KIF3B: variants seen among roughly 807,000 people sequenced by gnomAD.
The protein encoded by KIF3B is kinesin family member 3B, also known as kinesin-like protein KIF3B.
Under a neutral mutation model 74.3 loss-of-function variants are expected in KIF3B, and 38 were observed. The observed-to-expected ratio is 0.51, with a 90% CI of 0.39 to 0.67. The LOEUF is 0.67. Ranked by LOEUF, KIF3B falls within the 30% of genes least tolerant of loss-of-function variation. The pLI is 0.00. For synonymous variants in KIF3B, 326 were observed against 342.5 expected (o/e 0.95, Z 0.53); for missense variants, 649 against 932.0 (o/e 0.70, Z 3.95).
chr20:32,280,822 T>C (rs531378206), intron 1 of KIF3B, among the ~76,000 whole-genome samples: 9 of 152,040 alleles, frequency 5.9e-5, no homozygotes, highest in Non-Finnish European at 1.2e-4. Context: ...TAAATCCCCT[T>C]ATGCTAGGCA....
In KIF3B at chr20:32,316,797, C is replaced by A; in HGVS notation, c.1671C>A (p.Asp557Glu). ...AGGCAGTGAAGGCTGAGATCCATGA[C>A]CTCCAAGAAGAACACATCAAGGAGC... ...KLQAVKAEIH[D>E]LQEEHIKERQ... The change falls in exon 5 of 9, where the codon GAC (aspartate) becomes GAA (glutamate). Residue 557 changes from aspartate to glutamate, a missense_variant. By Grantham distance (45) the Asp-to-Glu change is conservative (BLOSUM62 2). Transcript: ENST00000375712. 6.2e-7 allele frequency: 1 copy of A among 1,614,114 alleles called. No individual in the cohort carries two copies. The highest frequency in any genetic ancestry group is 8.5e-7 in the Non-Finnish European group (1 of 1,180,004).
At position 32,309,761 on chromosome 20, in the gene KIF3B, CTG is replaced by C; in HGVS notation, c.-16_-15del. 6.3e-7 allele frequency: 1 copy of C among 1,598,408 alleles called. No individual in the cohort carries two copies. Among genetic ancestry groups the C allele is most frequent in the Non-Finnish European group, 8.5e-7 (1 of 1,171,850 alleles). ...TGAATTGACACTTCTCAAGATTTGA[CTG>C]GATCAGAGTTCATCATGTCAAAGTT... On this transcript the variant is annotated 5_prime_UTR_variant, in exon 2 of 9. Transcript: ENST00000375712.
chr20:32,296,278 C>T lies in KIF3B; in HGVS notation c.-65-13435C>T, dbSNP rs1241967866. On this transcript the variant is annotated intron_variant, in intron 1 of 8. Coordinates refer to ENST00000375712, the MANE Select transcript of KIF3B (RefSeq NM_004798.4). ...ACAAAGCCTTTCCATCTCTCTTTCC[C>T]CTTGATTTTATTTTATTTTTTGACT... Among the ~76,000 whole-genome samples, 4 of 152,152 alleles carry T rather than the reference C, an allele frequency of 2.6e-5. No individual in the cohort carries two copies. The East Asian group carries it at 5.8e-4, about 22-fold the overall frequency.
intron 5 of KIF3B, among the ~76,000 whole-genome samples, chr20:32,319,527 T>TACACAC (rs71187104): frequency 1.7e-4 from 23 of 133,556 alleles, no homozygotes; most frequent in African/African-American, 5.8e-4. Flanking sequence ...ATATATTTCA[T>TACACAC]ACACACACAC....
chr20:32,305,570 C>CTTTTTTTTTTTTT (rs869049527), intron 1 of KIF3B, among the ~76,000 whole-genome samples: 19 of 86,872 alleles, frequency 2.2e-4, no homozygotes, highest in African/African-American at 3.6e-4. Flanking sequence ...ACTCCCCCAC[C>CTTTTTTTTTTTTT]TTTTTTTTTT....
chr20:32,278,910 G>A (rs1274541733), intron 1 of KIF3B, among the ~76,000 whole-genome samples: 2 of 145,322 alleles, frequency 1.4e-5, no homozygotes, highest in African/African-American at 5.0e-5. Flanking sequence ...GGAAGGACCT[G>A]CTTAAGAATC....
At chr20:32,328,631 G>A (rs1031438676) in intron 7 of KIF3B, among the ~76,000 whole-genome samples, 6 of 149,434 alleles carry the variant, frequency 4.0e-5, no homozygotes, top group African/African-American at 1.5e-4. Flanking sequence ...AAAAAAGTCA[G>A]TACTAGAGAA....
At chr20:32,315,321 CT>C (rs898598019) in intron 2 of KIF3B, among the ~76,000 whole-genome samples, 4 of 152,188 alleles carry the variant, frequency 2.6e-5, no homozygotes, top group Non-Finnish European at 2.9e-5. Context: ...ACAAAACAAT[CT>C]TTTTTTCTTA....
At chr20:32,327,851 G>C (rs1052568302) in intron 7 of KIF3B, among the ~76,000 whole-genome samples, 190 bp downstream of exon 7, 1 of 152,144 alleles carries the variant, frequency 6.6e-6, no homozygotes, top group African/African-American at 2.4e-5. Context: ...TGTAATCCCA[G>C]CAGTTTGAGA....
chr20:32,291,659 G>A (rs1318833356), intron 1 of KIF3B, among the ~76,000 whole-genome samples: 6 of 148,016 alleles, frequency 4.1e-5, no homozygotes, highest in African/African-American at 5.0e-5. Flanking sequence ...TCTGTCACCC[G>A]GGCTGGAGTG....
At chr20:32,318,946 A>G (rs575402094) in intron 5 of KIF3B, among the ~76,000 whole-genome samples, 1 of 149,994 alleles carries the variant, frequency 6.7e-6, no homozygotes, top group African/African-American at 2.4e-5. Context: ...TTCTACCACC[A>G]ATTTCTCCAC....
intron 2 of KIF3B, 74 bp downstream of exon 2, chr20:32,311,255 CAT>C (rs2047799286): frequency 2.8e-6 from 4 of 1,443,664 alleles, no homozygotes; most frequent in Non-Finnish European, 3.7e-6. Context: ...CAACAAAAAA[CAT>C]AACCATATGA....
At chr20:32,312,356 C>G (rs966978135) in intron 2 of KIF3B, among the ~76,000 whole-genome samples, 2 of 152,052 alleles carry the variant, frequency 1.3e-5, no homozygotes, top group Admixed American at 1.3e-4. Context: ...TCTCCCACCT[C>G]CCCCTCCCAA....
chr20:32,305,162 C>A (rs1200279245), intron 1 of KIF3B, among the ~76,000 whole-genome samples: 12 of 150,820 alleles, frequency 8.0e-5, no homozygotes, highest in Non-Finnish European at 1.3e-4. Flanking sequence ...AACAAACAAA[C>A]AAAAAAAACC....
chr20:32,320,078 A>G (rs2047851761), intron 5 of KIF3B, among the ~76,000 whole-genome samples: 1 of 151,762 alleles, frequency 6.6e-6, no homozygotes, highest in Admixed American at 6.6e-5. Context: ...TATTTTTAGT[A>G]GAGACGGGGT....
intron 5 of KIF3B, among the ~76,000 whole-genome samples, chr20:32,318,131 G>A (rs1383855485): frequency 4.6e-5 from 7 of 152,010 alleles, no homozygotes; most frequent in South Asian, 2.1e-4. Flanking sequence ...GTGAAACCCC[G>A]TCTCTACTAA....
At chr20:32,324,187 A>G (rs147504773) in intron 5 of KIF3B, among the ~76,000 whole-genome samples, 33 of 152,228 alleles carry the variant, frequency 2.2e-4, no homozygotes, top group African/African-American at 7.9e-4. Context: ...ATTAACTTGT[A>G]TCTCTATCCC....
intron 1 of KIF3B, among the ~76,000 whole-genome samples, chr20:32,295,527 T>A (rs975346864): frequency 1.3e-5 from 2 of 152,076 alleles, no homozygotes; most frequent in Admixed American, 6.6e-5. Flanking sequence ...TCTCCTGAGA[T>A]CGTGATCCAC....
chr20:32,324,768 C>T (rs570924051), intron 5 of KIF3B, among the ~76,000 whole-genome samples: 2 of 152,268 alleles, frequency 1.3e-5, no homozygotes, highest in South Asian at 4.2e-4. Context: ...GTGGCTCATG[C>T]CTATAATCCC....
Sources: allele counts gnomAD v4.1 joint callset (sites outside exome capture counted in the v4.1 genomes callset), GRCh38; gene constraint gnomAD v4.1.1; transcripts MANE v1.5; gene names NCBI Gene and HGNC (gene_info 2026-07-23, HGNC 2026-07-21).